FAM167A: variants seen among roughly 807,000 people sequenced by gnomAD.
The protein encoded by FAM167A is protein FAM167A.
FAM167A carries 23 observed loss-of-function variants against 14.9 expected under a neutral mutation model. The observed-to-expected ratio is 1.55, with a 90% CI of 1.11 to 2.19. The LOEUF (loss-of-function observed/expected upper bound fraction) is 2.19, where lower values mean the gene tolerates loss of function less well. FAM167A is among the 30% of genes most tolerant of loss of function. FAM167A has a pLI of 0.00. For missense variants in FAM167A, 401 were observed against 281.5 expected (o/e 1.42, Z -3.04); for synonymous variants, 174 against 117.7 (o/e 1.48, Z -3.10).
At chr8:11,475,059 C>T (rs1797824293) in intron 1 of FAM167A, among the ~76,000 whole-genome samples, 1 of 152,172 alleles carries the variant, frequency 6.6e-6, no homozygotes, top group African/African-American at 2.4e-5. Flanking sequence ...ATGAGCAGGA[C>T]TCTTCCCCTC....
At chr8:11,456,142 T>A (rs1585273841) in intron 1 of FAM167A, among the ~76,000 whole-genome samples, 6 of 47,242 alleles carry the variant, frequency 1.3e-4, no homozygotes, top group East Asian at 6.3e-4. Flanking sequence ...TTGCTGTGTG[T>A]GTGTGTGAAT....
chr8:11,443,933 T>A (rs1475296118), intron 2 of FAM167A, 98 bp downstream of exon 2: 2 of 1,381,922 alleles, frequency 1.4e-6, no homozygotes, highest in Non-Finnish European at 2.0e-6. Flanking sequence ...AAGAAATACA[T>A]GGTGGGGGTG....
intron 1 of FAM167A, among the ~76,000 whole-genome samples, chr8:11,455,157 T>A (rs142331576): frequency 1.8e-4 from 26 of 141,234 alleles, no homozygotes; most frequent in African/African-American, 6.8e-4. Flanking sequence ...TGTGTGTGAC[T>A]GTGGTGGGGT....
At chr8:11,428,199 C>G (rs746192859) in intron 2 of FAM167A, among the ~76,000 whole-genome samples, 3 of 152,122 alleles carry the variant, frequency 2.0e-5, no homozygotes, top group Non-Finnish European at 4.4e-5. Flanking sequence ...GGGGTGTGGC[C>G]AGGTGTCTAA....
intron 2 of FAM167A, among the ~76,000 whole-genome samples, chr8:11,427,372 G>A (rs896956957): frequency 1.3e-5 from 2 of 152,200 alleles, no homozygotes; most frequent in African/African-American, 4.8e-5. Context: ...CTTTGTCACT[G>A]GGACAGGTTG....
intron 1 of FAM167A, among the ~76,000 whole-genome samples, chr8:11,474,396 AACAG>A (rs1797804684): frequency 6.6e-6 from 1 of 152,148 alleles, no homozygotes; most frequent in African/African-American, 2.4e-5. Flanking sequence ...CGGCGCATGG[AACAG>A]ACAAACATGC....
At chr8:11,456,821 CGTGGGTGGGGCTGGGTTAGGGAA>C (rs1004159538) in intron 1 of FAM167A, among the ~76,000 whole-genome samples, 2 of 99,032 alleles carry the variant, frequency 2.0e-5, no homozygotes, top group African/African-American at 4.2e-5. Flanking sequence ...GGGTTAGGGA[CGTGGGTGGGGCTGGGTTAGGGAA>C]GTGGGCAGGG....
chr8:11,436,792 C>T (rs1312840013), intron 2 of FAM167A, among the ~76,000 whole-genome samples: 1 of 152,214 alleles, frequency 6.6e-6, no homozygotes, highest in Non-Finnish European at 1.5e-5. Context: ...CTATCCCCTG[C>T]TTTGGAAACA....
chr8:11,475,796 C>A lies in FAM167A; in HGVS notation c.-398+70G>T, dbSNP rs183446021. Among the ~76,000 whole-genome samples, 9 of 152,274 alleles carry A rather than the reference C, an allele frequency of 5.9e-5. No homozygotes were observed. The East Asian group carries it at 1.5e-3, about 26-fold the overall frequency. On this transcript the variant is annotated intron_variant, in intron 1 of 1. Transcript: ENST00000648766. ...CTTTCCCCTGCTCTATGTCCCCTCC[C>A]CCAACTCAAATTGCTGCCCTTCACC... is the stretch of plus-strand genomic sequence containing the variant.
At chr8:11,456,629 G>C (rs1399606706) in intron 1 of FAM167A, among the ~76,000 whole-genome samples, 1 of 151,464 alleles carries the variant, frequency 6.6e-6, no homozygotes, top group Admixed American at 6.6e-5. Context: ...GAATATACGA[G>C]TGTGAGGTGG....
At chr8:11,472,320 C>A (rs954888524), upstream of FAM167A, among the ~76,000 whole-genome samples, 2 of 151,932 alleles carry the variant, frequency 1.3e-5, no homozygotes, top group Non-Finnish European at 1.5e-5. Context: ...GTAAGAACAT[C>A]TTCTAGAATA....
chr8:11,474,895 A>AGGC (rs888628585), intron 1 of FAM167A, among the ~76,000 whole-genome samples: 72 of 151,770 alleles, frequency 4.7e-4, no homozygotes, highest in African/African-American at 1.6e-3. Context: ...TCAACAGCGA[A>AGGC]GGCGACATGA....
intron 1 of FAM167A, 82 bp from the exon 2 acceptor site, chr8:11,444,890 A>G (rs1585259935): frequency 1.0e-6 from 1 of 965,700 alleles, no homozygotes; most frequent in South Asian, 4.8e-5. Flanking sequence ...ACAGGAGGGG[A>G]AACTGAGGCT....
chr8:11,436,083 T>C (rs544706562), intron 2 of FAM167A, among the ~76,000 whole-genome samples: 2 of 152,292 alleles, frequency 1.3e-5, no homozygotes, highest in Admixed American at 6.5e-5. Context: ...TACTGAGCGC[T>C]CCCTTATCGC....
intron 2 of FAM167A, among the ~76,000 whole-genome samples, chr8:11,441,354 C>G (rs145614471): frequency 6.6e-6 from 1 of 152,208 alleles, no homozygotes; most frequent in South Asian, 2.1e-4. Context: ...CAGGGACTAA[C>G]AGAATAGTGT....
chr8:11,451,183 G>A (rs1807009801), intron 1 of FAM167A, among the ~76,000 whole-genome samples: 1 of 152,244 alleles, frequency 6.6e-6, no homozygotes, highest in Non-Finnish European at 1.5e-5. Context: ...GCCTTGCTCT[G>A]AGCTGGCCGG....
chr8:11,441,115 G>T (rs557019344), intron 2 of FAM167A, among the ~76,000 whole-genome samples: 2 of 152,284 alleles, frequency 1.3e-5, no homozygotes, highest in African/African-American at 4.8e-5. Context: ...CCTCAGAGTC[G>T]CAATCTTCTG....
intron 2 of FAM167A, among the ~76,000 whole-genome samples, chr8:11,441,218 G>A (rs1002332556): frequency 7.2e-5 from 11 of 152,210 alleles, no homozygotes; most frequent in Admixed American, 6.5e-4. Context: ...CACATGGGCA[G>A]TTATGACAGA....
chr8:11,443,625 G>A (rs985386853), intron 2 of FAM167A: 5 of 192,718 alleles, frequency 2.6e-5, no homozygotes, highest in African/African-American at 7.1e-5. Flanking sequence ...CTCACGTGCA[G>A]AAGAGTGGTC....
Sources: allele counts gnomAD v4.1 joint callset (sites outside exome capture counted in the v4.1 genomes callset), GRCh38; gene constraint gnomAD v4.1.1; transcripts MANE v1.5; gene names NCBI Gene and HGNC (gene_info 2026-07-23, HGNC 2026-07-21).